The following TCF7 variants were observed in gnomAD, a reference collection of about 807,000 sequenced individuals.
The protein encoded by TCF7 is T-cell-factor-7.
Under a neutral mutation model 46.8 loss-of-function variants are expected in TCF7, and 19 were observed. That is an observed-to-expected ratio of 0.41 (90% CI 0.28 to 0.60). The LOEUF is 0.60. Ranked by LOEUF, TCF7 falls within the 20% of genes least tolerant of loss-of-function variation. The probability of loss-of-function intolerance (pLI) is 0.35; values close to 1 mark genes in which losing one functional copy is unlikely to be tolerated. For missense variants in TCF7, 547 were observed against 504.6 expected, an observed-to-expected ratio of 1.08 and a Z score of -0.81; for synonymous variants, 245 against 213.4, an observed-to-expected ratio of 1.15 and a Z score of -1.29.
chr5:134,115,431 C>T (rs1247792626), intron 2 of TCF7, 44 bp downstream of exon 2: 1 of 1,563,046 alleles, frequency 6.4e-7, no homozygotes, highest in Admixed American at 1.9e-5. Flanking sequence ...GCGCTCAGGC[C>T]CTGGCCTCGG....
At chr5:134,113,822 C>G (rs543738837), upstream of TCF7, among the ~76,000 whole-genome samples, 8 of 152,244 alleles carry the variant, frequency 5.3e-5, no homozygotes, top group Non-Finnish European at 5.9e-5. Context: ...AGGCCAGGGT[C>G]AACTTCAGAG....
intron 3 of TCF7, among the ~76,000 whole-genome samples, chr5:134,121,620 G>A (rs998892264): frequency 5.3e-5 from 8 of 151,324 alleles, no homozygotes; most frequent in African/African-American, 1.9e-4. Context: ...AACCCTCATG[G>A]CCATCAGCCT....
intron 9 of TCF7, chr5:134,144,532 A>AGATT: frequency 2.1e-6 from 1 of 478,616 alleles, no homozygotes; most frequent in East Asian, 3.8e-5. Context: ...GAGATGAGCC[A>AGATT]GATTGACAGG....
At chr5:134,116,313 C>G (rs1232745121) in intron 3 of TCF7, among the ~76,000 whole-genome samples, 2 of 152,234 alleles carry the variant, frequency 1.3e-5, no homozygotes, top group Non-Finnish European at 2.9e-5. Flanking sequence ...TGGGTGATGC[C>G]AGGGTGGGGT....
intron 9 of TCF7, chr5:134,146,017 C>T: frequency 1.3e-6 from 2 of 1,503,772 alleles, no homozygotes; most frequent in South Asian, 2.7e-5. Context: ...CCTTTGCCAC[C>T]TTGTGGCTGT....
intron 9 of TCF7, chr5:134,144,716 C>G (rs1580904812): frequency 9.4e-7 from 1 of 1,060,872 alleles, no homozygotes; most frequent in East Asian, 2.4e-5. Context: ...CTGATGTTAC[C>G]TCTTCTTTCT....
At chr5:134,144,962 C>A in intron 9 of TCF7, 1 of 1,123,052 alleles carries the variant, frequency 8.9e-7, no homozygotes, top group Non-Finnish European at 1.3e-6. Context: ...ACTCCTTTGG[C>A]CCCTCAGCCC....
At chr5:134,144,395 A>C (rs1760352571) in intron 9 of TCF7, 1 of 244,922 alleles carries the variant, frequency 4.1e-6, no homozygotes, top group South Asian at 5.4e-5. Context: ...GAATGAAGAA[A>C]AACTGGATAA....
intron 3 of TCF7, among the ~76,000 whole-genome samples, chr5:134,136,604 G>T (rs1324232253): frequency 2.0e-5 from 3 of 152,158 alleles, no homozygotes. Flanking sequence ...GCTACAGCAG[G>T]GCTTATACCC....
rs918467409 is a variant in TCF7 at position 134,114,906 on chromosome 5, C to T, written c.-1C>T. The T allele has an allele frequency of 1.1e-5, 11 of 1,013,646 alleles. 1 individual carries two copies. The South Asian group carries it at 1.2e-4, about 11-fold the overall frequency. The allele number at this position is 1,013,646 out of a possible 1,614,324, so 62.8% of individuals were successfully genotyped here. ...CCGCGCCCCGGCGGGCGGAGCGCAC[C>T]ATGCCGCAGCTGGACTCCGGCGGGG... On this transcript the variant is annotated 5_prime_UTR_variant, in exon 1 of 10. Transcript: ENST00000342854.
rs116014211 is a variant in TCF7 at position 134,136,408 on chromosome 5, G to T, written c.442-1651G>T. Among the ~76,000 whole-genome samples the T allele has an allele frequency of 3.9e-3, 588 of 152,256 alleles. 7 individuals are homozygous for T. Among genetic ancestry groups the T allele is most frequent in the African/African-American group, 0.013 (545 of 41,546 alleles). ...AGCCTGTGAAGCCCTGTTATGTAAG[G>T]CTCCTCCCGGTGGGCAGATGGATGA... On this transcript the variant is annotated intron_variant, in intron 3 of 9. Transcript: ENST00000342854.
intron 4 of TCF7, among the ~76,000 whole-genome samples, chr5:134,138,410 G>A (rs949323613): frequency 3.3e-5 from 5 of 152,218 alleles, no homozygotes; most frequent in Non-Finnish European, 4.4e-5. Context: ...GGGTGACCCC[G>A]CTGCCAGTAT....
intron 3 of TCF7, among the ~76,000 whole-genome samples, chr5:134,137,374 C>T (rs561830986): frequency 9.0e-5 from 13 of 144,204 alleles, no homozygotes; most frequent in South Asian, 2.2e-4. Context: ...TGCAGTGAGC[C>T]GAGATCGCGC....
intron 9 of TCF7, 145 bp downstream of exon 9, chr5:134,143,785 A>G: frequency 1.2e-6 from 1 of 829,588 alleles, no homozygotes; most frequent in South Asian, 1.7e-5. Context: ...CCTGCATCTC[A>G]CAAGTCAAAT....
intron 3 of TCF7, among the ~76,000 whole-genome samples, chr5:134,117,725 C>T (rs1384427832): frequency 2.0e-5 from 3 of 152,230 alleles, no homozygotes; most frequent in Admixed American, 2.0e-4. Context: ...CCACCACTGG[C>T]CTGGGTCATT....
the TCF7 span, among the ~76,000 whole-genome samples, chr5:134,108,808 A>T: frequency 1.3e-5 from 2 of 152,096 alleles, no homozygotes; most frequent in African/African-American, 4.8e-5. Context: ...GGCCTAGTTC[A>T]CCTAGGTCCC....
intron 3 of TCF7, among the ~76,000 whole-genome samples, chr5:134,130,035 C>T (rs756865423): frequency 4.6e-5 from 7 of 152,238 alleles, no homozygotes; most frequent in Non-Finnish European, 8.8e-5. Flanking sequence ...GCATCCAGCA[C>T]GCTGTGGGCA....
At chr5:134,138,033 C>G (rs1759154285) in intron 3 of TCF7, 26 bp from the exon 4 acceptor site, 2 of 1,551,390 alleles carry the variant, frequency 1.3e-6, no homozygotes, top group African/African-American at 2.7e-5. Context: ...TCGCCACACT[C>G]ACCCACCCTC....
intron 3 of TCF7, among the ~76,000 whole-genome samples, chr5:134,118,129 T>G (rs1196314886): frequency 5.9e-5 from 9 of 152,202 alleles, no homozygotes; most frequent in Admixed American, 4.6e-4. Flanking sequence ...GCAAAGTGAA[T>G]CCACCCCCAC....
Sources: allele counts gnomAD v4.1 joint callset (sites outside exome capture counted in the v4.1 genomes callset), GRCh38; gene constraint gnomAD v4.1.1; transcripts MANE v1.5; gene names NCBI Gene and HGNC (gene_info 2026-07-23, HGNC 2026-07-21).